Variants in GKAP1 observed in about 807,000 individuals in gnomAD.
GKAP1 encodes G kinase anchoring protein 1.
In GKAP1, 31 loss-of-function variants were observed where a neutral mutation model predicts 56.7. That is an observed-to-expected ratio of 0.55 (90% confidence interval 0.41 to 0.74). The LOEUF is 0.74. Among genes scored for constraint, GKAP1 ranks in the 30% least tolerant of loss-of-function variants. The pLI is 0.00. For missense variants in GKAP1, 364 were observed against 402.3 expected, an observed-to-expected ratio of 0.90 and a Z score of 0.82; for synonymous variants, 151 against 138.6, an observed-to-expected ratio of 1.09 and a Z score of -0.63.
At chr9:83,795,038 C>T (rs931271820) in intron 4 of GKAP1, among the ~76,000 whole-genome samples, 2 of 151,822 alleles carry the variant, frequency 1.3e-5, no homozygotes, top group Non-Finnish European at 2.9e-5. Flanking sequence ...TGCCTGTAAT[C>T]CCAGCTACTC....
intron 3 of GKAP1, among the ~76,000 whole-genome samples, 158 bp downstream of exon 3, chr9:83,806,144 A>T (rs1205882678): frequency 6.6e-6 from 1 of 151,998 alleles, no homozygotes; most frequent in Non-Finnish European, 1.5e-5. Flanking sequence ...ATTACATTTG[A>T]TTTTAAATAT....
At chr9:83,782,722 A>G (rs1417268294) in intron 6 of GKAP1, among the ~76,000 whole-genome samples, 2 of 140,586 alleles carry the variant, frequency 1.4e-5, no homozygotes, top group African/African-American at 2.7e-5. Context: ...GCTGGAGTCC[A>G]GTGGCACAAC....
At position 83,748,230 on chromosome 9, in the gene GKAP1, T is replaced by G. The variant is rs1943326525; in HGVS notation, c.904+79A>C. 4.3e-6 allele frequency: 4 copies of G among 922,066 alleles called. No homozygotes were observed. In the East Asian group the frequency reaches 9.9e-5, roughly 23 times the overall value. 57.1% of individuals were successfully genotyped at this position (922,066 alleles called of 1,614,324 possible). ...CTATCAAACACTTTTGTTGAGTTGG[T>G]AAATCACACATTTGAAAAAGTACCT... On this transcript the variant is annotated intron_variant, in intron 10 of 12. Coordinates refer to ENST00000376371, the MANE Select transcript of GKAP1 (RefSeq NM_025211.4).
At chr9:83,795,365 A>G (rs1944227238) in intron 4 of GKAP1, among the ~76,000 whole-genome samples, 1 of 152,126 alleles carries the variant, frequency 6.6e-6, no homozygotes, top group African/African-American at 2.4e-5. Flanking sequence ...GGAATATAAG[A>G]CCACTTTTCC....
At chr9:83,804,406 A>C (rs1587739460) in intron 3 of GKAP1, among the ~76,000 whole-genome samples, 1 of 118,264 alleles carries the variant, frequency 8.5e-6, no homozygotes. Flanking sequence ...GGGGGGGGTC[A>C]GCCCCCCGCC....
At chr9:83,796,032 A>G (rs1405700004) in intron 4 of GKAP1, among the ~76,000 whole-genome samples, 1 of 152,202 alleles carries the variant, frequency 6.6e-6, no homozygotes, top group Non-Finnish European at 1.5e-5. Flanking sequence ...CATTCTTAAA[A>G]TTAGAATCTA....
chr9:83,804,659 C>G (rs1421243440), intron 3 of GKAP1, among the ~76,000 whole-genome samples: 1 of 145,322 alleles, frequency 6.9e-6, no homozygotes, highest in Non-Finnish European at 1.5e-5. Context: ...GCCGCCCCGT[C>G]CGGGAGGGAG....
At position 83,739,740 on chromosome 9, in the gene GKAP1, C is replaced by G; in HGVS notation, c.1058G>C (p.Gly353Ala). Residue 353 changes from glycine (G) to alanine (A), a missense_variant, in exon 13 of 13, where the codon GGC (glycine) becomes GCC (alanine). Gly to Ala is a moderately conservative substitution (Grantham distance 60). Transcript: ENST00000376371. ...LQAELAKYQG[G>A]RKGKRNSESD... ...TTCAGAGTTTCTTTTCCCTTTTCTG[C>G]CACCCTGTAAAAAAAAAAAAAAATA... The G allele has an allele frequency of 6.2e-7, 1 of 1,605,180 alleles. No homozygotes were observed.
intron 4 of GKAP1, among the ~76,000 whole-genome samples, chr9:83,789,708 G>A (rs1944123053): frequency 6.6e-6 from 1 of 152,008 alleles, no homozygotes; most frequent in East Asian, 1.9e-4. Flanking sequence ...AAAAGGTGGG[G>A]GCAAGTGATC....
At chr9:83,808,987 T>A (rs145412181) in intron 2 of GKAP1, among the ~76,000 whole-genome samples, 236 of 152,364 alleles carry the variant, frequency 1.5e-3, no homozygotes, top group African/African-American at 5.3e-3. Flanking sequence ...GCCCCCTTAC[T>A]AACCTGTGGT....
chr9:83,759,676 C>T (rs2131253624), intron 8 of GKAP1, among the ~76,000 whole-genome samples: 1 of 152,044 alleles, frequency 6.6e-6, no homozygotes, highest in East Asian at 1.9e-4. Context: ...AAGGTCATGC[C>T]CATTATCTTC....
At position 83,780,388 on chromosome 9, in the gene GKAP1, C is replaced by G; in HGVS notation, c.579G>C (p.Lys193Asn). ...TGGCTACAATAAGACTTACCTCAGT[C>G]TTTTTACTAATGTGATCTGTAAATG... ...DFHSEDHISK[K>N]TEELSSSQTL... Residue 193 changes from lysine to asparagine, a missense_variant, in exon 7 of 13, where the codon AAG becomes AAC. Physicochemically the swap from Lys to Asn is moderately conservative, Grantham distance 94. Transcript: ENST00000376371. 2 of 1,182,378 alleles carry G rather than the reference C, an allele frequency of 1.7e-6. No individual in the cohort carries two copies. Among genetic ancestry groups the G allele is most frequent in the Non-Finnish European group, 2.3e-6 (2 of 882,748 alleles). The allele number at this position is 1,182,378 out of a possible 1,614,324, so 73.2% of individuals were successfully genotyped here. A position where few individuals can be genotyped will look rare whatever the true frequency, so the allele number is the denominator to read the frequency against.
At chr9:83,758,540 C>T (rs1244289608) in intron 8 of GKAP1, among the ~76,000 whole-genome samples, 1 of 151,948 alleles carries the variant, frequency 6.6e-6, no homozygotes, top group Admixed American at 6.6e-5. Flanking sequence ...CGAGACCAGC[C>T]TGGCCAACAT....
chr9:83,790,040 A>G (rs569683884), intron 4 of GKAP1, among the ~76,000 whole-genome samples: 2 of 152,328 alleles, frequency 1.3e-5, no homozygotes, highest in South Asian at 4.1e-4. Context: ...GAGAAACCTT[A>G]AAAACTAGAA....
intron 4 of GKAP1, among the ~76,000 whole-genome samples, chr9:83,789,409 T>C (rs2131299598): frequency 6.6e-6 from 1 of 152,316 alleles, no homozygotes; most frequent in South Asian, 2.1e-4. Flanking sequence ...TGTCCACTAC[T>C]GGGCATAAGG....
At chr9:83,804,882 C>T (rs1355705185) in intron 3 of GKAP1, among the ~76,000 whole-genome samples, 5 of 149,492 alleles carry the variant, frequency 3.3e-5, no homozygotes, top group East Asian at 2.0e-4. Context: ...CCGCCCCGTC[C>T]GGGAGGTGAG....
At chr9:83,789,372 T>A (rs1024752353) in intron 4 of GKAP1, among the ~76,000 whole-genome samples, 1 of 152,204 alleles carries the variant, frequency 6.6e-6, no homozygotes, top group Non-Finnish European at 1.5e-5. Flanking sequence ...AAACAGAATG[T>A]TGCAGTAGTT....
At chr9:83,789,542 CTT>C (rs1287713598) in intron 4 of GKAP1, among the ~76,000 whole-genome samples, 1 of 152,178 alleles carries the variant, frequency 6.6e-6, no homozygotes, top group African/African-American at 2.4e-5. Flanking sequence ...GTGGGCATCT[CTT>C]GTTTTTATCT....
intron 4 of GKAP1, among the ~76,000 whole-genome samples, chr9:83,797,082 G>T (rs1195266918): frequency 6.6e-6 from 1 of 152,176 alleles, no homozygotes; most frequent in Non-Finnish European, 1.5e-5. Flanking sequence ...CTCATAAACA[G>T]GCGAACTGAG....
Sources: gnomAD v4.1 joint callset for allele counts (sites outside exome capture counted in the v4.1 genomes callset) on GRCh38, gnomAD v4.1.1 for gene constraint, MANE v1.5 for transcripts, NCBI Gene and HGNC (gene_info 2026-07-23, HGNC 2026-07-21) for gene names.